Variants in ROCK2 observed in about 807,000 individuals in gnomAD.
ROCK2 encodes the protein rho-associated protein kinase 2.
ROCK2 carries 61 observed loss-of-function variants against 195.1 expected under a neutral mutation model. The ratio of observed to expected loss-of-function variants is 0.31; its 90% CI spans 0.25 to 0.39. The LOEUF is 0.39. Ranked by LOEUF, ROCK2 falls within the 10% of genes least tolerant of loss-of-function variation. The probability of loss-of-function intolerance (pLI) is 1.00; values close to 1 mark genes in which losing one functional copy is unlikely to be tolerated. For missense variants in ROCK2, 1,109 were observed against 1,637.4 expected, an observed-to-expected ratio of 0.68 and a Z score of 5.57; for synonymous variants, 504 against 545.5, an observed-to-expected ratio of 0.92 and a Z score of 1.06.
At chr2:11,316,344 C>T (rs1369697985) in intron 1 of ROCK2, among the ~76,000 whole-genome samples, 1 of 152,136 alleles carries the variant, frequency 6.6e-6, no homozygotes, top group Non-Finnish European at 1.5e-5. Flanking sequence ...GTTAAATTTA[C>T]ATCCATACTT....
intron 1 of ROCK2, among the ~76,000 whole-genome samples, chr2:11,304,901 G>A (rs1435126947): frequency 1.3e-5 from 2 of 152,172 alleles, no homozygotes; most frequent in East Asian, 1.9e-4. Context: ...ACAGGGTTGG[G>A]AGACTGACTA....
intron 1 of ROCK2, among the ~76,000 whole-genome samples, chr2:11,333,679 T>G (rs185053046): frequency 6.6e-6 from 1 of 152,224 alleles, no homozygotes; most frequent in East Asian, 1.9e-4. Flanking sequence ...GCCCTTTAAC[T>G]TAATTTTTAG....
At chr2:11,236,355 A>G (rs1368037339) in intron 4 of ROCK2, among the ~76,000 whole-genome samples, 1 of 152,180 alleles carries the variant, frequency 6.6e-6, no homozygotes, top group African/African-American at 2.4e-5. Context: ...TCACACAGAA[A>G]AGAGCAGAGG....
chr2:11,277,752 C>A (rs1193914467), intron 3 of ROCK2, among the ~76,000 whole-genome samples: 1 of 152,088 alleles, frequency 6.6e-6, no homozygotes, highest in South Asian at 2.1e-4. Context: ...TGGGTTGGTC[C>A]CAAGATTTTG....
chr2:11,247,699 G>A (rs1374543941), intron 4 of ROCK2, among the ~76,000 whole-genome samples: 1 of 152,178 alleles, frequency 6.6e-6, no homozygotes, highest in East Asian at 1.9e-4. Context: ...ATACTTTACT[G>A]CAATCATTCT....
chr2:11,296,366 A>G (rs1175482377), intron 1 of ROCK2, among the ~76,000 whole-genome samples: 3 of 152,182 alleles, frequency 2.0e-5, no homozygotes, highest in Non-Finnish European at 4.4e-5. Context: ...TTCACACTTA[A>G]TGACAAGAAA....
rs1235150448 is a variant in ROCK2 at position 11,235,357 on chromosome 2, A to C, written c.723+345T>G. 6.6e-6 allele frequency among the ~76,000 whole-genome samples: 1 copy of C among 152,116 alleles called. No homozygotes were observed. Among genetic ancestry groups the C allele is most frequent in the Non-Finnish European group, 1.5e-5 (1 of 67,992 alleles). On this transcript the variant is annotated intron_variant, in intron 5 of 32. Coordinates refer to ENST00000315872, the MANE Select transcript of ROCK2 (RefSeq NM_004850.5). The surrounding 1 kb of genome is among the most constrained non-coding windows in gnomAD (Gnocchi z 4.2). ...ATGCAGAAGTAACAATGGTGGTGAA[A>C]ATACCTATTTACCTTAATTTAGATT...
chr2:11,248,735 A>AAAG (rs1553305638), intron 4 of ROCK2, among the ~76,000 whole-genome samples: 3 of 139,578 alleles, frequency 2.1e-5, no homozygotes, highest in East Asian at 2.1e-4. Flanking sequence ...AAAAAAAAAA[A>AAAG]AAAGAAAGAA....
chr2:11,293,914 T>G (rs1351724180), intron 1 of ROCK2, among the ~76,000 whole-genome samples: 1 of 152,046 alleles, frequency 6.6e-6, no homozygotes, highest in East Asian at 1.9e-4. Flanking sequence ...ATCCCAGCAC[T>G]CTGGGAGGCC....
intron 1 of ROCK2, among the ~76,000 whole-genome samples, chr2:11,342,119 C>G (rs1211596513): frequency 6.6e-6 from 1 of 151,796 alleles, no homozygotes; most frequent in Non-Finnish European, 1.5e-5. Flanking sequence ...ACAGAAACAC[C>G]AGGAACCTTG....
chr2:11,231,493 C>G (rs1219170226), intron 5 of ROCK2, among the ~76,000 whole-genome samples: 1 of 152,132 alleles, frequency 6.6e-6, no homozygotes, highest in Non-Finnish European at 1.5e-5. Context: ...CAGGCATGAG[C>G]CATCGTGCCT....
At position 11,332,592 on chromosome 2, in the gene ROCK2, C is replaced by T. The variant is rs116907102; in HGVS notation, c.141+11404G>A. ...GCTATAATTACAATGACACACACTA[C>T]CAAGTGTTTTGTGATAATATGGAGA... On this transcript the variant is annotated intron_variant, in intron 1 of 32. Transcript: ENST00000315872. Among the ~76,000 whole-genome samples the T allele has an allele frequency of 1.5e-3, 234 of 152,266 alleles. 5 individuals are homozygous for T. The East Asian group carries it at 0.039, about 25-fold the overall frequency.
chr2:11,313,429 T>A (rs756810060), intron 1 of ROCK2, among the ~76,000 whole-genome samples: 3 of 152,206 alleles, frequency 2.0e-5, no homozygotes, highest in Middle Eastern at 3.4e-3. Context: ...AATAAAATTA[T>A]CTCTTATTGA....
Position 11,211,716 on chromosome 2 carries a change from T to C in ROCK2, c.2168A>G (p.Glu723Gly). 1 of 1,612,856 alleles carries C rather than the reference T, an allele frequency of 6.2e-7. No homozygotes were observed. Among genetic ancestry groups the C allele is most frequent in the Non-Finnish European group, 8.5e-7 (1 of 1,179,486 alleles). ...TTCTGATTTGGCTTCTTCGATGGACTCATAGATCTTATTTTTATCTGCTAG... is the reference window on the plus strand; with the variant it reads ...TTCTGATTTGGCTTCTTCGATGGACCCATAGATCTTATTTTTATCTGCTAG... Reference protein sequence around the residue: ...ARLADKNKIYESIEEAKSEAM... With the variant: ...ARLADKNKIYGSIEEAKSEAM... Residue 723 changes from glutamate to glycine, a missense_variant, in exon 18 of 33, where the codon GAG (glutamate) becomes GGG (glycine). This residue lies in a region of ROCK2 where 542 missense variants were observed against 672.0 expected (regional missense o/e 0.81). Transcript: ENST00000315872.
intron 3 of ROCK2, among the ~76,000 whole-genome samples, chr2:11,273,440 CAGTA>C (rs1666717772): frequency 6.6e-6 from 1 of 152,158 alleles, no homozygotes; most frequent in Non-Finnish European, 1.5e-5. Context: ...AGTTTCAACA[CAGTA>C]AGAAGACACA....
chr2:11,260,105 T>G (rs1666171556), intron 3 of ROCK2, among the ~76,000 whole-genome samples: 1 of 151,450 alleles, frequency 6.6e-6, no homozygotes, highest in Admixed American at 6.6e-5. Context: ...AAATAGTCAT[T>G]CCAGCAATGT....
In ROCK2 at chr2:11,215,406, C is replaced by G; in HGVS notation, c.1604G>C (p.Ser535Thr). Residue 535 changes from serine (S) to threonine (T), a missense_variant, in exon 15 of 33, where the codon AGC (serine) becomes ACC (threonine). This residue lies in a region of ROCK2 where 542 missense variants were observed against 672.0 expected (regional missense o/e 0.81). Transcript: ENST00000315872. ...KKRNLENDVN[S>T]LKDQLEDLKK... ...CAAATCTTCAAGTTGATCTTTTAAG[C>G]TGTTAACTATGATAAAAAGCATTTC... 1 of 1,606,098 alleles carries G rather than the reference C, an allele frequency of 6.2e-7. No homozygotes were observed. Among genetic ancestry groups the G allele is most frequent in the Non-Finnish European group, 8.5e-7 (1 of 1,176,832 alleles).
intron 6 of ROCK2, among the ~76,000 whole-genome samples, chr2:11,225,121 A>G (rs754920354): frequency 5.3e-5 from 8 of 152,144 alleles, no homozygotes; most frequent in Non-Finnish European, 7.4e-5. Flanking sequence ...CTAGCTTAAA[A>G]TGACATATAG....
intron 3 of ROCK2, among the ~76,000 whole-genome samples, chr2:11,276,363 T>C (rs1304007674): frequency 6.6e-6 from 1 of 152,220 alleles, no homozygotes; most frequent in Non-Finnish European, 1.5e-5. Flanking sequence ...CAAAAGTCAA[T>C]TATATTTCTA....
Sources: allele counts gnomAD v4.1 joint callset (sites outside exome capture counted in the v4.1 genomes callset), GRCh38; gene constraint gnomAD v4.1.1; regional missense constraint gnomAD v4.1.1; non-coding constraint Gnocchi (gnomAD v3.1); transcripts MANE v1.5; gene names NCBI Gene and HGNC (gene_info 2026-07-23, HGNC 2026-07-21).